MPHOSPH9: variants seen among roughly 807,000 people sequenced by gnomAD.
MPHOSPH9 encodes the protein M-phase phosphoprotein 9.
MPHOSPH9 carries 88 observed loss-of-function variants against 145.5 expected under a neutral mutation model. The ratio of observed to expected loss-of-function variants is 0.60; its 90% CI spans 0.51 to 0.72. The LOEUF is 0.72. MPHOSPH9 is among the 30% of genes least tolerant of loss of function. MPHOSPH9 has a pLI of 0.00. For missense variants in MPHOSPH9, 1,238 were observed against 1,386.6 expected, an observed-to-expected ratio of 0.89 and a Z score of 1.70; for synonymous variants, 435 against 486.2, an observed-to-expected ratio of 0.89 and a Z score of 1.39.
chr12:123,200,636 TAC>T, intron 11 of MPHOSPH9, among the ~76,000 whole-genome samples: 1 of 152,056 alleles, frequency 6.6e-6, no homozygotes. Flanking sequence ...AGGAAGTAAC[TAC>T]AGTCATCTTT....
chr12:123,165,153 A>G (rs2044262821), intron 18 of MPHOSPH9, 149 bp downstream of exon 18: 2 of 649,470 alleles, frequency 3.1e-6, no homozygotes, highest in Non-Finnish European at 5.1e-6. Flanking sequence ...TCAATTCTCT[A>G]TGAAACGGGG....
rs1038059768 is a variant in MPHOSPH9, at chr12:123,233,138, A to C, written c.-222T>G. On this transcript the variant is annotated 5_prime_UTR_variant, in exon 1 of 24. Transcript: ENST00000606320. ...AGCGGCCTCTCGCGACCGTTACCCG[A>C]GGGAGCGCGCGCGCGCCCGGCGTCT... 3.3e-5 allele frequency: 3 copies of C among 91,330 alleles called. No individual in the cohort carries two copies. In the South Asian group the frequency reaches 1.3e-3, roughly 41 times the overall value. The allele number at this position is 91,330 out of a possible 1,614,324, so 5.7% of individuals were successfully genotyped here. A position where few individuals can be genotyped will look rare whatever the true frequency, so the allele number is the denominator to read the frequency against.
In MPHOSPH9 at chr12:123,221,892, T is replaced by C. The variant is rs1353398775; in HGVS notation, c.352A>G (p.Ile118Val). The C allele has an allele frequency of 1.3e-6, 2 of 1,512,034 alleles. No homozygotes were observed. The highest frequency in any genetic ancestry group is 1.8e-6 in the Non-Finnish European group (2 of 1,126,378). 93.7% of individuals were successfully genotyped at this position (1,512,034 alleles called of 1,614,324 possible). ...QEQFHNQIQHIQEEIKNLVKL... is the reference protein window; with the variant it reads ...QEQFHNQIQHVQEEIKNLVKL... ...ACTAAATTTTTTATCTCCTCCTGTA[T>C]ATGCTGGAAATAAAAAGTTATAGAT... Residue 118 changes from isoleucine (I) to valine (V), a missense_variant, in exon 5 of 24, where the codon ATA becomes GTA. Transcript: ENST00000606320.
chr12:123,161,014 C>G (rs2044082931), intron 22 of MPHOSPH9, 122 bp downstream of exon 22: 1 of 1,370,514 alleles, frequency 7.3e-7, no homozygotes, highest in Admixed American at 2.2e-5. Flanking sequence ...GTTGCTAGCA[C>G]AGCTCTGGTA....
At chr12:123,170,145 C>G (rs1272210533) in intron 16 of MPHOSPH9, among the ~76,000 whole-genome samples, 1 of 150,556 alleles carries the variant, frequency 6.6e-6, no homozygotes, top group African/African-American at 2.4e-5. Flanking sequence ...CCACCACACC[C>G]AGCTTTTTTT....
At position 123,154,957 on chromosome 12, in the gene MPHOSPH9, C is replaced by A. The variant is rs1356061484; in HGVS notation, c.*1850G>T. ...ATCACATGAGTTCAGGAGTTTGAGA[C>A]CAGCCTGGCCAATATGGTGAAACAC... is the stretch of plus-strand genomic sequence containing the variant. On this transcript the variant is annotated 3_prime_UTR_variant, in exon 24 of 24. Transcript: ENST00000606320. 1 of 148,672 alleles carries A rather than the reference C, an allele frequency of 6.7e-6. No homozygotes were observed. Among genetic ancestry groups the A allele is most frequent in the Admixed American group, 6.8e-5 (1 of 14,738 alleles). 9.2% of individuals were successfully genotyped at this position (148,672 alleles called of 1,614,324 possible).
intron 14 of MPHOSPH9, among the ~76,000 whole-genome samples, chr12:123,180,839 C>G (rs1351118949): frequency 6.6e-6 from 1 of 152,216 alleles, no homozygotes; most frequent in Non-Finnish European, 1.5e-5. Flanking sequence ...CACCACTGCA[C>G]TCCAACCTGG....
At position 123,196,457 on chromosome 12, in the gene MPHOSPH9, T is replaced by C. The variant is rs150961094; in HGVS notation, c.2025+1790A>G. On this transcript the variant is annotated intron_variant, in intron 12 of 23. Transcript: ENST00000606320. The stretch of plus-strand genomic sequence containing the variant: ...ATGATAGCTATCATGCATTTTATCG[T>C]CTAATAGATATTAAAAATAAAACTT... Among the ~76,000 whole-genome samples, 57 of 152,268 alleles carry C rather than the reference T, an allele frequency of 3.7e-4. 1 individual carries two copies. The highest frequency in any genetic ancestry group is 1.6e-3 in the Admixed American group (24 of 15,282).
chr12:123,196,510 A>C (rs994721916), intron 12 of MPHOSPH9, among the ~76,000 whole-genome samples: 1 of 152,156 alleles, frequency 6.6e-6, no homozygotes, highest in Non-Finnish European at 1.5e-5. Context: ...GAAACTTTTG[A>C]CCCTTAAAAA....
At chr12:123,157,220 C>T (rs1311091608) in intron 23 of MPHOSPH9, among the ~76,000 whole-genome samples, 3 of 151,900 alleles carry the variant, frequency 2.0e-5, no homozygotes, top group Non-Finnish European at 4.4e-5. Flanking sequence ...GAAGTGAGAA[C>T]AGTACAAGAG....
In MPHOSPH9 at chr12:123,230,332, G is replaced by A. The variant is rs998606371; in HGVS notation, c.33C>T (p.His11=). Residue 11 remains histidine (H), a synonymous_variant, in exon 2 of 24, where the codon CAC becomes CAT. Transcript: ENST00000606320. The part of the protein sequence containing the change: MEEFDLVKTL[H]KTSSSVGSDE... ...CAGATCCTACAGAAGATGAAGTTTTGTGTAAGGTTTTCACCAAGTCAAACT... is the reference window on the plus strand; with the variant it reads ...CAGATCCTACAGAAGATGAAGTTTTATGTAAGGTTTTCACCAAGTCAAACT... 1.4e-5 allele frequency: 22 copies of A among 1,533,766 alleles called. No homozygotes were observed. The highest frequency in any genetic ancestry group is 1.7e-5 in the Non-Finnish European group (20 of 1,145,246).
chr12:123,164,466 G>A (rs2044229541), intron 18 of MPHOSPH9, among the ~76,000 whole-genome samples: 1 of 152,158 alleles, frequency 6.6e-6, no homozygotes, highest in South Asian at 2.1e-4. Context: ...TGACTAAGGG[G>A]TCTGAGAAAG....
intron 14 of MPHOSPH9, 133 bp downstream of exon 14, chr12:123,181,030 A>C (rs1313650064): frequency 2.5e-6 from 2 of 791,820 alleles, no homozygotes; most frequent in East Asian, 4.9e-5. Flanking sequence ...GAAACAGGAT[A>C]AGCAAGGTTC....
At chr12:123,235,111 C>T (rs536546665), upstream of MPHOSPH9, among the ~76,000 whole-genome samples, 5 of 152,162 alleles carry the variant, frequency 3.3e-5, no homozygotes, top group Non-Finnish European at 7.4e-5. Context: ...TTCCAAAGTT[C>T]CTCAGCCTTG....
intron 16 of MPHOSPH9, among the ~76,000 whole-genome samples, chr12:123,170,347 G>A (rs2137976461): frequency 6.6e-6 from 1 of 152,234 alleles, no homozygotes; most frequent in East Asian, 1.9e-4. Flanking sequence ...GTTTCACCAT[G>A]TTGGTAAGGC....
intron 13 of MPHOSPH9, among the ~76,000 whole-genome samples, chr12:123,183,496 C>G (rs4759406): frequency 7.7e-6 from 1 of 129,840 alleles, no homozygotes; most frequent in Admixed American, 1.0e-4. Context: ...TGCAGTGAAC[C>G]GAGATGGTGC....
At chr12:123,234,986 T>C (rs2047819815), upstream of MPHOSPH9, among the ~76,000 whole-genome samples, 1 of 152,214 alleles carries the variant, frequency 6.6e-6, no homozygotes, top group Non-Finnish European at 1.5e-5. Context: ...TAAAATAATT[T>C]ACAAGCCACT....
At chr12:123,206,514 G>A (rs2046441292) in intron 8 of MPHOSPH9, among the ~76,000 whole-genome samples, 1 of 88,458 alleles carries the variant, frequency 1.1e-5, no homozygotes, top group Admixed American at 1.5e-4. Flanking sequence ...GAGGAGAGGA[G>A]AAGAGAAGAG....
intron 1 of MPHOSPH9, among the ~76,000 whole-genome samples, chr12:123,239,709 G>A (rs1186674889): frequency 3.3e-5 from 5 of 152,206 alleles, no homozygotes; most frequent in East Asian, 3.9e-4. Flanking sequence ...GCCCAGTAGC[G>A]TTAGTTTCTA....
Sources: allele counts gnomAD v4.1 joint callset (sites outside exome capture counted in the v4.1 genomes callset), GRCh38; gene constraint gnomAD v4.1.1; transcripts MANE v1.5; gene names NCBI Gene and HGNC (gene_info 2026-07-23, HGNC 2026-07-21).